Variants in ANXA10 observed in about 807,000 individuals in gnomAD.
ANXA10 encodes annexin 14.
Under a neutral mutation model 53.5 loss-of-function variants are expected in ANXA10, and 49 were observed. The observed-to-expected ratio is 0.92, with a 90% CI of 0.73 to 1.16. The LOEUF is 1.16. Ranked by LOEUF, ANXA10 falls within the 50% of genes most tolerant of loss-of-function variation. The pLI is 0.00. For synonymous variants in ANXA10, 131 were observed against 128.9 expected, an observed-to-expected ratio of 1.02 and a Z score of -0.11; for missense variants, 393 against 394.4, an observed-to-expected ratio of 1.00 and a Z score of 0.03.
At chr4:168,153,533 A>T (rs138263155) in intron 3 of ANXA10, among the ~76,000 whole-genome samples, 64 of 151,784 alleles carry the variant, frequency 4.2e-4, no homozygotes, top group African/African-American at 1.4e-3. Flanking sequence ...GGTTGCAAAA[A>T]ATACGGGAAA....
chr4:168,105,120 A>C (rs1175646879), intron 1 of ANXA10, among the ~76,000 whole-genome samples: 1 of 150,866 alleles, frequency 6.6e-6, no homozygotes, highest in African/African-American at 2.4e-5. Flanking sequence ...TTTTTTTTTT[A>C]ACTTTTATTT....
intron 6 of ANXA10, among the ~76,000 whole-genome samples, chr4:168,167,315 A>G (rs926197086): frequency 3.9e-5 from 6 of 152,146 alleles, no homozygotes; most frequent in Non-Finnish European, 1.5e-5. Flanking sequence ...ATAATAGTTG[A>G]TATTCCATAA....
chr4:168,120,461 G>C (rs187509195), intron 1 of ANXA10, among the ~76,000 whole-genome samples: 23 of 151,996 alleles, frequency 1.5e-4, no homozygotes, highest in African/African-American at 4.6e-4. Flanking sequence ...GAACAAAAAA[G>C]CCTGGGTAAA....
At chr4:168,167,721 C>T (rs1353979426) in intron 6 of ANXA10, among the ~76,000 whole-genome samples, 2 of 152,138 alleles carry the variant, frequency 1.3e-5, no homozygotes, top group Admixed American at 6.5e-5. Context: ...ACCACTTAAC[C>T]GCATGCAAAG....
Sources: gnomAD v4.1 joint callset for allele counts (sites outside exome capture counted in the v4.1 genomes callset) on GRCh38, gnomAD v4.1.1 for gene constraint, MANE v1.5 for transcripts, NCBI Gene and HGNC (gene_info 2026-07-23, HGNC 2026-07-21) for gene names.